Variants in AP4E1 observed in about 807,000 individuals in gnomAD.
The protein encoded by AP4E1 is adaptor related protein complex 4 subunit epsilon 1.
Under a neutral mutation model 128.2 loss-of-function variants are expected in AP4E1, and 56 were observed. The ratio of observed to expected loss-of-function variants is 0.44; its 90% CI spans 0.35 to 0.55. AP4E1 has a LOEUF of 0.55. AP4E1 is among the 20% of genes least tolerant of loss of function. The pLI, the probability that AP4E1 is intolerant of heterozygous loss-of-function variation, is 0.00. For missense variants in AP4E1, 1,324 were observed against 1,307.7 expected, an observed-to-expected ratio of 1.01 and a Z score of -0.19; for synonymous variants, 484 against 473.1, an observed-to-expected ratio of 1.02 and a Z score of -0.30.
At chr15:50,919,520 G>A (rs1473897769) in intron 3 of AP4E1, among the ~76,000 whole-genome samples, 1 of 149,696 alleles carries the variant, frequency 6.7e-6, no homozygotes, top group Non-Finnish European at 1.5e-5. Flanking sequence ...CTACAAGAGT[G>A]AAATTCCATC....
intron 15 of AP4E1, among the ~76,000 whole-genome samples, chr15:50,970,060 G>A (rs1392069330): frequency 6.6e-6 from 1 of 152,088 alleles, no homozygotes; most frequent in Non-Finnish European, 1.5e-5. Flanking sequence ...CTATCTAGCT[G>A]TAATTTTTTA....
At chr15:51,000,848 T>G (rs536253073) in intron 19 of AP4E1, among the ~76,000 whole-genome samples, 178 bp from the exon 20 acceptor site, 1 of 152,150 alleles carries the variant, frequency 6.6e-6, no homozygotes, top group South Asian at 2.1e-4. Context: ...CTTTCAGTAT[T>G]TTCATCAGGT....
At chr15:50,963,954 A>G (rs923399276) in intron 14 of AP4E1, among the ~76,000 whole-genome samples, 3 of 152,336 alleles carry the variant, frequency 2.0e-5, no homozygotes, top group African/African-American at 7.2e-5. Context: ...CCTATTTAGA[A>G]TCAGTACTGG....
In AP4E1 at chr15:50,930,872, G is replaced by A. The variant is rs776827192; in HGVS notation, c.770G>A (p.Gly257Glu). ...FVTILKQVVG[G>E]KLPVEFNYHS... ...ACCATTTTGAAGCAAGTAGTTGGAG[G>A]AAAGCTCCCAGTAGAATTCAATTAC... Residue 257 changes from glycine to glutamate, a missense_variant, in exon 7 of 21, where the codon GGA (glycine) becomes GAA (glutamate). Gly to Glu is a moderately conservative substitution (Grantham distance 98). Transcript: ENST00000261842. The A allele has an allele frequency of 6.2e-7, 1 of 1,614,108 alleles. No individual in the cohort carries two copies. The highest frequency in any genetic ancestry group is 1.1e-5 in the South Asian group (1 of 91,088).
At chr15:51,001,665 A>G (rs890531374) in intron 20 of AP4E1, among the ~76,000 whole-genome samples, 2 of 152,180 alleles carry the variant, frequency 1.3e-5, no homozygotes, top group African/African-American at 4.8e-5. Context: ...TTCAAGGTTG[A>G]TCCATGTTGT....
Position 50,997,423 on chromosome 15 carries a change from G to T in AP4E1, c.2444G>T (p.Cys815Phe). The change falls in exon 18 of 21, where the codon TGT (cysteine) becomes TTT (phenylalanine). Residue 815 changes from cysteine (C) to phenylalanine (F), a missense_variant. Transcript: ENST00000261842. The stretch of plus-strand genomic sequence containing the variant: ...ACAACCAGTACTCATAATATGACCT[G>T]TTCTTCCTTTAGTTCTTTGTCAAAT... ...GETTSTHNMT[C>F]SSFSSLSNVA... 6.2e-7 allele frequency: 1 copy of T among 1,613,442 alleles called. No homozygotes were observed. Among genetic ancestry groups the T allele is most frequent in the East Asian group, 2.2e-5 (1 of 44,830 alleles).
chr15:51,001,885 AT>A (rs548867254), intron 20 of AP4E1, among the ~76,000 whole-genome samples: 11 of 148,020 alleles, frequency 7.4e-5, no homozygotes, highest in African/African-American at 2.0e-4. Context: ...TTTAGATTTA[AT>A]TTTTTTTTTT....
chr15:50,971,121 A>AG (rs1460688576), intron 15 of AP4E1, among the ~76,000 whole-genome samples: 2 of 152,304 alleles, frequency 1.3e-5, no homozygotes, highest in East Asian at 3.9e-4. Context: ...ATTTCATGTA[A>AG]GGGTGGTCTA....
At chr15:50,910,818 G>T (rs2063558247) in intron 1 of AP4E1, among the ~76,000 whole-genome samples, 1 of 152,190 alleles carries the variant, frequency 6.6e-6, no homozygotes, top group South Asian at 2.1e-4. Context: ...ACCATACCCG[G>T]CTAATTTTTA....
In AP4E1 at chr15:50,929,023, G is replaced by C; in HGVS notation, c.557G>C (p.Arg186Thr). 6.2e-7 allele frequency: 1 copy of C among 1,613,748 alleles called. No homozygotes were observed. The highest frequency in any genetic ancestry group is 8.5e-7 in the Non-Finnish European group (1 of 1,179,856). ...TTTGTCTTCAGGGAGATTGTACGAA[G>C]AAAAGCTGTTCTGGCATTATACAAA... Reference protein sequence around the residue: ...KLQHSKEIVRRKAVLALYKFH... With the variant: ...KLQHSKEIVRTKAVLALYKFH... The change falls in exon 6 of 21, where the codon AGA becomes ACA. Residue 186 changes from arginine to threonine, a missense_variant. Transcript: ENST00000261842.
chr15:50,945,152 T>C (rs17599974), intron 10 of AP4E1: 123,766 of 860,634 alleles, frequency 0.14, 10,294 homozygotes, highest in South Asian at 0.19. Flanking sequence ...GGGTTTATCA[T>C]CACTGTAAAG....
chr15:50,930,474 G>A (rs891589244), intron 6 of AP4E1, among the ~76,000 whole-genome samples: 2 of 151,226 alleles, frequency 1.3e-5, no homozygotes, highest in Non-Finnish European at 2.9e-5. Flanking sequence ...CTGTCCTTTT[G>A]CAGTATGCCA....
intron 14 of AP4E1, among the ~76,000 whole-genome samples, chr15:50,964,993 T>A (rs942791475): frequency 4.1e-5 from 2 of 48,300 alleles, no homozygotes; most frequent in Non-Finnish European, 9.0e-5. Flanking sequence ...ACACACACAC[T>A]GGACTTTCCC....
chr15:50,960,032 GTTA>G (rs1486395613), intron 14 of AP4E1, among the ~76,000 whole-genome samples: 2 of 152,074 alleles, frequency 1.3e-5, no homozygotes, highest in Non-Finnish European at 2.9e-5. Flanking sequence ...GACAAGAAAT[GTTA>G]TTATATAATG....
In AP4E1 at chr15:50,912,035, A is replaced by C. The variant is rs769124291; in HGVS notation, c.151-43A>C. ...TTTAGATAAATGCTGTTACAGTTTT[A>C]AAAGACAGTTAATCAAGCATTTAAA... On this transcript the variant is annotated intron_variant, in intron 1 of 20. Transcript: ENST00000261842. The C allele has an allele frequency of 1.0e-5, 15 of 1,462,486 alleles. No individual in the cohort carries two copies. The Admixed American group carries it at 2.5e-4, about 24-fold the overall frequency. 90.6% of individuals were successfully genotyped at this position (1,462,486 alleles called of 1,614,324 possible).
rs28437695 is a variant in AP4E1 at position 50,929,861 on chromosome 15, G to A, written c.702+693G>A. On this transcript the variant is annotated intron_variant, in intron 6 of 20. Coordinates refer to ENST00000261842, the MANE Select transcript of AP4E1 (RefSeq NM_007347.5). ...TTAACATTTACTAAAATTTGAAAGA[G>A]CTTTATTTCCCTTCCAAAAAATTTT... Among the ~76,000 whole-genome samples the A allele has an allele frequency of 3.8e-3, 577 of 151,898 alleles. 6 individuals are homozygous for A. Among genetic ancestry groups the A allele is most frequent in the African/African-American group, 0.014 (560 of 41,428 alleles).
intron 5 of AP4E1, 146 bp from the exon 6 acceptor site, chr15:50,928,863 T>C (rs917857050): frequency 8.6e-6 from 7 of 817,220 alleles, no homozygotes; most frequent in Non-Finnish European, 1.3e-5. Context: ...TTAGAATAAA[T>C]AAATTAATCA....
intron 3 of AP4E1, among the ~76,000 whole-genome samples, chr15:50,916,797 C>G (rs2063636295): frequency 6.6e-6 from 1 of 152,174 alleles, no homozygotes; most frequent in South Asian, 2.1e-4. Flanking sequence ...TTTTATTTCT[C>G]CTGTGATCAC....
At chr15:50,944,810 G>T in intron 10 of AP4E1, 1 of 699,302 alleles carries the variant, frequency 1.4e-6, no homozygotes, top group Admixed American at 2.2e-5. Context: ...CTACCAAAAT[G>T]GAATGAGTAT....
Sources: allele counts gnomAD v4.1 joint callset (sites outside exome capture counted in the v4.1 genomes callset), GRCh38; gene constraint gnomAD v4.1.1; transcripts MANE v1.5; gene names NCBI Gene and HGNC (gene_info 2026-07-23, HGNC 2026-07-21).